The following LTA variants were observed in gnomAD, a reference collection of about 807,000 sequenced individuals.
LTA encodes the protein lymphotoxin alpha.
A neutral mutation model predicts 15.1 loss-of-function variants in LTA; 6 were observed. The ratio of observed to expected loss-of-function variants is 0.40; its 90% confidence interval spans 0.22 to 0.78. The LOEUF (loss-of-function observed/expected upper bound fraction) is 0.78, where lower values mean the gene tolerates loss of function less well. Ranked by LOEUF, LTA falls within the 30% of genes least tolerant of loss-of-function variation. The pLI is 0.38. For missense variants in LTA, 173 were observed against 249.5 expected (o/e 0.69, Z 2.06); for synonymous variants, 87 against 107.3 (o/e 0.81, Z 1.17).
chr6:31,565,143 A>G, the LTA span, among the ~76,000 whole-genome samples: 6 of 152,178 alleles, frequency 3.9e-5, no homozygotes, highest in Admixed American at 2.0e-4. Context: ...TCATTCCCCT[A>G]GTGATGGAGG....
upstream of LTA, among the ~76,000 whole-genome samples, chr6:31,567,166 G>T (rs1032595019): frequency 6.6e-6 from 1 of 151,914 alleles, no homozygotes; most frequent in African/African-American, 2.4e-5. Context: ...ATGGTGGCAT[G>T]CACCTGTAAT....
chr6:31,567,673 CACACGCACGCAT>C (rs754810354), upstream of LTA, among the ~76,000 whole-genome samples: 8,705 of 59,966 alleles, frequency 0.15, 352 homozygotes, highest in Middle Eastern at 0.3. Flanking sequence ...CACACACACA[CACACGCACGCAT>C]GCACGCACCA....
the LTA span, among the ~76,000 whole-genome samples, chr6:31,563,563 G>A: frequency 3.5e-4 from 54 of 152,146 alleles, no homozygotes; most frequent in Non-Finnish European, 1.8e-4. Flanking sequence ...CTACTGCAGC[G>A]CTTGGCAGCC....
At chr6:31,570,910 G>A (rs1770795558), upstream of LTA, among the ~76,000 whole-genome samples, 1 of 152,094 alleles carries the variant, frequency 6.6e-6, no homozygotes, top group South Asian at 2.1e-4. Context: ...TCAGCAGGGA[G>A]GGGGCATGAG....
chr6:31,565,075 G>A, the LTA span, among the ~76,000 whole-genome samples: 4 of 152,170 alleles, frequency 2.6e-5, no homozygotes, highest in Non-Finnish European at 5.9e-5. Flanking sequence ...TTTGGGAGAT[G>A]AGGAGGAGTT....
chr6:31,564,508 C>T, the LTA span, among the ~76,000 whole-genome samples: 11 of 151,834 alleles, frequency 7.2e-5, no homozygotes, highest in Admixed American at 2.6e-4. Flanking sequence ...TGGTCTCGAT[C>T]TCCTGACCTC....
upstream of LTA, among the ~76,000 whole-genome samples, chr6:31,567,478 A>T (rs1441754558): frequency 1.3e-5 from 2 of 151,648 alleles, no homozygotes; most frequent in Non-Finnish European, 2.9e-5. Flanking sequence ...TGGAAGGATG[A>T]CTTGAGCCCA....
chr6:31,573,722 A>G lies in LTA; in HGVS notation c.*29A>G. 6.2e-7 allele frequency: 1 copy of G among 1,612,072 alleles called. No homozygotes were observed. The highest frequency in any genetic ancestry group is 8.5e-7 in the Non-Finnish European group (1 of 1,179,032). ...TTGGAAAAATCCAGAAAGAAAAAAT[A>G]ATTGATTTCAAGACCTTCTCCCCAT... On this transcript the variant is annotated 3_prime_UTR_variant, in exon 4 of 4. Transcript: ENST00000418386.
At chr6:31,569,066 G>T (rs1770708171), upstream of LTA, among the ~76,000 whole-genome samples, 2 of 152,162 alleles carry the variant, frequency 1.3e-5, no homozygotes. Flanking sequence ...CTGGAGGGCA[G>T]TGGCACGATC....
chr6:31,564,651 A>G, the LTA span, among the ~76,000 whole-genome samples: 1 of 150,666 alleles, frequency 6.6e-6, no homozygotes. Context: ...CATGCCTGTA[A>G]TCCCAGCACT....
chr6:31,566,401 G>A, the LTA span, among the ~76,000 whole-genome samples: 2 of 152,026 alleles, frequency 1.3e-5, no homozygotes, highest in Non-Finnish European at 2.9e-5. Context: ...CCAGCACTTC[G>A]GGAGGCTGAG....
rs1226705625 is a variant in LTA at position 31,573,993 on chromosome 6, C to A, written c.*300C>A. ...GCTAGGTGGGGCCTAGATCCACACA[C>A]AGAGGAAGAGCAGGCACATGGAGGA... On this transcript the variant is annotated 3_prime_UTR_variant, in exon 4 of 4. Transcript: ENST00000418386. 1.7e-6 allele frequency: 1 copy of A among 580,094 alleles called. No homozygotes were observed. The allele number at this position is 580,094 out of a possible 1,614,324, so 35.9% of individuals were successfully genotyped here. A position where few individuals can be genotyped will look rare whatever the true frequency, so the allele number is the denominator to read the frequency against.
chr6:31,561,284 A>G, the LTA span, among the ~76,000 whole-genome samples: 1 of 152,218 alleles, frequency 6.6e-6, no homozygotes, highest in Non-Finnish European at 1.5e-5. Context: ...GTGCTGCAGT[A>G]CAGACAAGGA....
At position 31,572,781 on chromosome 6, in the gene LTA, T is replaced by C; in HGVS notation, c.39T>C (p.Cys13=). 1 of 1,611,042 alleles carries C rather than the reference T, an allele frequency of 6.2e-7. No individual in the cohort carries two copies. The highest frequency in any genetic ancestry group is 8.5e-7 in the Non-Finnish European group (1 of 1,179,772). ...PPERLFLPRV[C]GTTLHLLLLG... ...AACGTCTCTTCCTCCCAAGGGTGTG[T>C]GGCACCACCCTACACCTCCTCCTTC... The change falls in exon 2 of 4, where the codon TGT becomes TGC. Residue 13 remains cysteine, a synonymous_variant. Coordinates refer to ENST00000418386, the MANE Select transcript of LTA (RefSeq NM_000595.4).
At chr6:31,568,819 C>G (rs1770697193), upstream of LTA, among the ~76,000 whole-genome samples, 1 of 152,148 alleles carries the variant, frequency 6.6e-6, no homozygotes, top group Non-Finnish European at 1.5e-5. The surrounding 1 kb of genome is among the most constrained non-coding windows in gnomAD (Gnocchi z 4.1). Flanking sequence ...ATCTCACATG[C>G]ACGTGACACT....
chr6:31,561,334 G>A, the LTA span, among the ~76,000 whole-genome samples: 4 of 152,194 alleles, frequency 2.6e-5, no homozygotes, highest in Non-Finnish European at 5.9e-5. Context: ...AATACCTACT[G>A]TGTGTTAACC....
upstream of LTA, among the ~76,000 whole-genome samples, chr6:31,570,879 G>A (rs1770794511): frequency 6.6e-6 from 1 of 152,040 alleles, no homozygotes; most frequent in Non-Finnish European, 1.5e-5. Flanking sequence ...TGAGAGAGTG[G>A]TTGGTTATCT....
At chr6:31,572,641 C>CGGGG in intron 1 of LTA, 93 bp from the exon 2 acceptor site, 1 of 830,502 alleles carries the variant, frequency 1.2e-6, no homozygotes, top group Non-Finnish European at 2.0e-6. Flanking sequence ...TCTCGGGGGT[C>CGGGG]GGGGGGTGCT....
At position 31,574,063 on chromosome 6, in the gene LTA, C is replaced by A; in HGVS notation, c.*370C>A. 4.8e-6 allele frequency: 2 copies of A among 415,298 alleles called. No homozygotes were observed. Among genetic ancestry groups the A allele is most frequent in the Non-Finnish European group, 9.0e-6 (2 of 222,358 alleles). 25.7% of individuals were successfully genotyped at this position (415,298 alleles called of 1,614,324 possible). ...GCAGGGAGGGGACTATTTATGAAGG[C>A]AAAAAAATTAAATTATTTATTTATG... On this transcript the variant is annotated 3_prime_UTR_variant, in exon 4 of 4. Coordinates refer to ENST00000418386, the MANE Select transcript of LTA (RefSeq NM_000595.4).
Sources: gnomAD v4.1 joint callset for allele counts (sites outside exome capture counted in the v4.1 genomes callset) on GRCh38, gnomAD v4.1.1 for gene constraint, Gnocchi (gnomAD v3.1) non-coding constraint, MANE v1.5 for transcripts, NCBI Gene and HGNC (gene_info 2026-07-23, HGNC 2026-07-21) for gene names.